ZMYND8: variants seen among roughly 807,000 people sequenced by gnomAD.
ZMYND8 encodes the protein MYND-type zinc finger-containing chromatin reader ZMYND8.
Under a neutral mutation model 140.8 loss-of-function variants are expected in ZMYND8, and 37 were observed. The ratio of observed to expected loss-of-function variants is 0.26; its 90% CI spans 0.20 to 0.35. The LOEUF is 0.35. ZMYND8 is among the 10% of genes least tolerant of loss of function. The pLI is 1.00. For synonymous variants in ZMYND8, 592 were observed against 597.1 expected, an observed-to-expected ratio of 0.99 and a Z score of 0.12; for missense variants, 1,068 against 1,570.0, an observed-to-expected ratio of 0.68 and a Z score of 5.40.
At chr20:47,356,340 A>AC in intron 1 of ZMYND8, 1 of 1,451,486 alleles carries the variant, frequency 6.9e-7, no homozygotes, top group Non-Finnish European at 9.1e-7. Context: ...AAAGAAAAAA[A>AC]AAAAAAGAAG....
At chr20:47,265,068 AGGC>A (rs2075425239) in intron 11 of ZMYND8, among the ~76,000 whole-genome samples, 1 of 144,490 alleles carries the variant, frequency 6.9e-6, no homozygotes, top group Non-Finnish European at 1.5e-5. Context: ...ATATATATAT[AGGC>A]ATTTTAACGG....
At chr20:47,330,980 C>A (rs1039712700) in intron 2 of ZMYND8, among the ~76,000 whole-genome samples, 2 of 152,106 alleles carry the variant, frequency 1.3e-5, no homozygotes, top group African/African-American at 2.4e-5. Flanking sequence ...AAGGAGGGGA[C>A]CTTCAAGGTA....
At chr20:47,302,885 G>A (rs1038957157) in intron 3 of ZMYND8, among the ~76,000 whole-genome samples, 2 of 152,156 alleles carry the variant, frequency 1.3e-5, no homozygotes, top group Non-Finnish European at 2.9e-5. Context: ...ACAGCATCCA[G>A]GGCACAGGCT....
intron 2 of ZMYND8, among the ~76,000 whole-genome samples, chr20:47,347,127 A>G (rs748546997): frequency 6.6e-6 from 1 of 152,222 alleles, no homozygotes; most frequent in Non-Finnish European, 1.5e-5. Context: ...TGGTACAACC[A>G]TTAAGTTTGG....
At chr20:47,221,522 T>A in intron 19 of ZMYND8, 48 bp from the exon 20 acceptor site, 1 of 1,590,790 alleles carries the variant, frequency 6.3e-7, no homozygotes, top group Non-Finnish European at 8.6e-7. Flanking sequence ...CAGAGTACGA[T>A]GATTTTGAAA....
chr20:47,303,347 G>T (rs1428071419), intron 3 of ZMYND8, among the ~76,000 whole-genome samples: 1 of 152,124 alleles, frequency 6.6e-6, no homozygotes, highest in East Asian at 1.9e-4. Context: ...GTTTTTGAAA[G>T]ATAACAGTCA....
intron 12 of ZMYND8, among the ~76,000 whole-genome samples, chr20:47,259,165 A>T (rs900078211): frequency 6.6e-6 from 1 of 152,214 alleles, no homozygotes; most frequent in Non-Finnish European, 1.5e-5. Flanking sequence ...CAGAGAGGAA[A>T]TGTCACCGTG....
chr20:47,214,990 G>A, intron 21 of ZMYND8, among the ~76,000 whole-genome samples: 1 of 152,176 alleles, frequency 6.6e-6, no homozygotes, highest in East Asian at 1.9e-4. Flanking sequence ...GGCTGAAGTG[G>A]GAGAATGGCT....
chr20:47,227,358 C>T, intron 17 of ZMYND8, 77 bp from the exon 18 acceptor site: 1 of 1,412,374 alleles, frequency 7.1e-7, no homozygotes, highest in South Asian at 1.2e-5. Flanking sequence ...TCAACCACGG[C>T]TGGCTGTGAG....
At chr20:47,335,421 A>AC (rs768882637) in intron 2 of ZMYND8, among the ~76,000 whole-genome samples, 4 of 151,098 alleles carry the variant, frequency 2.6e-5, no homozygotes, top group Non-Finnish European at 2.9e-5. Context: ...ACTCACCCTC[A>AC]CCCCCCCACA....
At chr20:47,265,081 G>T (rs1448522759) in intron 11 of ZMYND8, among the ~76,000 whole-genome samples, 1 of 112,806 alleles carries the variant, frequency 8.9e-6, no homozygotes, top group Non-Finnish European at 2.2e-5. Context: ...CATTTTAACG[G>T]AAGTATTACC....
chr20:47,334,595 G>T (rs2081233591), intron 2 of ZMYND8, among the ~76,000 whole-genome samples: 1 of 139,250 alleles, frequency 7.2e-6, no homozygotes, highest in Non-Finnish European at 1.5e-5. Context: ...ACAACTCTGT[G>T]AAAAAAAAAA....
intron 12 of ZMYND8, among the ~76,000 whole-genome samples, chr20:47,254,731 G>A (rs1236875618): frequency 2.0e-5 from 3 of 151,898 alleles, no homozygotes; most frequent in African/African-American, 7.3e-5. Flanking sequence ...GTGGGGGTGG[G>A]GTGGGGTGGA....
At chr20:47,295,270 G>A (rs1489441855) in intron 4 of ZMYND8, among the ~76,000 whole-genome samples, 1 of 152,194 alleles carries the variant, frequency 6.6e-6, no homozygotes, top group Non-Finnish European at 1.5e-5. Context: ...GCACGCATCC[G>A]TAGTCCCAGC....
At chr20:47,288,678 C>A (rs988104851) in intron 7 of ZMYND8, among the ~76,000 whole-genome samples, 3 of 152,174 alleles carry the variant, frequency 2.0e-5, no homozygotes, top group Admixed American at 6.5e-5. Flanking sequence ...TAGGCATGAG[C>A]CACTGCACCT....
In ZMYND8 at chr20:47,308,933, T is replaced by C. The variant is rs183878286; in HGVS notation, c.234+1123A>G. The stretch of plus-strand genomic sequence containing the variant: ...TCTACTCAATAATGCACAAAGTGGA[T>C]GAATGCATCCCTAGGAATCACTGCT... On this transcript the variant is annotated intron_variant, in intron 3 of 22. Coordinates refer to ENST00000471951, the MANE Select transcript of ZMYND8 (RefSeq NM_001281775.3). Among the ~76,000 whole-genome samples the C allele has an allele frequency of 6.1e-4, 93 of 152,290 alleles. 1 individual carries two copies. The South Asian group carries it at 0.019, about 31-fold the overall frequency.
At chr20:47,219,531 A>G (rs983503927) in intron 21 of ZMYND8, among the ~76,000 whole-genome samples, 2 of 151,616 alleles carry the variant, frequency 1.3e-5, no homozygotes, top group Admixed American at 6.6e-5. Context: ...CTCAAAAAAA[A>G]AAAAAAATCA....
chr20:47,294,758 T>C lies in ZMYND8; in HGVS notation c.475A>G (p.Ile159Val), dbSNP rs1253718740. Residue 159 changes from isoleucine (I) to valine (V), a missense_variant, in exon 5 of 23, where the codon ATC (isoleucine) becomes GTC (valine). By Grantham distance (29) the Ile-to-Val change is conservative. This residue lies in a region of ZMYND8 where 109 missense variants were observed against 314.9 expected (regional missense o/e 0.35). Coordinates refer to ENST00000471951, the MANE Select transcript of ZMYND8 (RefSeq NM_001281775.3). ...GTCATGGCTTTACTCTGGGTCTCGA[T>C]GCATTCTGCTACTGTAATTTTCTAC... The part of the protein sequence containing the change: ...ECEKITVAEC[I>V]ETQSKAMTML... 1 of 1,614,188 alleles carries C rather than the reference T, an allele frequency of 6.2e-7. No individual in the cohort carries two copies. The highest frequency in any genetic ancestry group is 1.1e-5 in the South Asian group (1 of 91,086).
chr20:47,300,462 C>G (rs915789669), intron 3 of ZMYND8, among the ~76,000 whole-genome samples: 1 of 152,136 alleles, frequency 6.6e-6, no homozygotes, highest in East Asian at 1.9e-4. Flanking sequence ...GATGATACTA[C>G]GAATGGGGAT....
Sources: gnomAD v4.1 joint callset for allele counts (sites outside exome capture counted in the v4.1 genomes callset) on GRCh38, gnomAD v4.1.1 for gene constraint, gnomAD v4.1.1 regional missense constraint, MANE v1.5 for transcripts, NCBI Gene and HGNC (gene_info 2026-07-23, HGNC 2026-07-21) for gene names.